Variants in MTUS2 observed in about 807,000 individuals in gnomAD.
MTUS2 encodes microtubule associated scaffold protein 2, also known as microtubule-associated tumor suppressor candidate 2.
A neutral mutation model predicts 114.1 loss-of-function variants in MTUS2; 40 were observed. The ratio of observed to expected loss-of-function variants is 0.35; its 90% CI spans 0.27 to 0.46. MTUS2 has a LOEUF of 0.46. MTUS2 is among the 20% of genes least tolerant of loss of function. MTUS2 has a pLI of 1.00. For synonymous variants in MTUS2, 688 were observed against 672.0 expected (o/e 1.02, Z -0.37); for missense variants, 1,679 against 1,705.4 (o/e 0.98, Z 0.27).
chr13:29,253,246 T>C (rs11616426), intron 5 of MTUS2, among the ~76,000 whole-genome samples: 6 of 151,912 alleles, frequency 3.9e-5, no homozygotes, highest in Non-Finnish European at 8.8e-5. Context: ...ACCAACATGG[T>C]GAAACCCTGT....
intron 8 of MTUS2, among the ~76,000 whole-genome samples, chr13:29,389,414 T>TGTGTGTATGTATGTATACAC (rs1872978088): frequency 8.7e-6 from 1 of 114,484 alleles, no homozygotes; most frequent in African/African-American, 3.5e-5. Context: ...TATACACGTG[T>TGTGTGTATGTATGTATACAC]GTGTGTATGT....
At chr13:29,222,130 TA>T (rs1895933192) in intron 5 of MTUS2, among the ~76,000 whole-genome samples, 1 of 152,202 alleles carries the variant, frequency 6.6e-6, no homozygotes, top group African/African-American at 2.4e-5. Context: ...TTTGATTTTT[TA>T]CAGAAATAAC....
intron 2 of MTUS2, among the ~76,000 whole-genome samples, chr13:28,963,319 C>G (rs1324382033): frequency 6.6e-6 from 1 of 152,092 alleles, no homozygotes; most frequent in Non-Finnish European, 1.5e-5. Flanking sequence ...CCACTGCACT[C>G]CAGCCTGAGC....
At chr13:29,162,271 A>ATATTC (rs1893130006) in intron 5 of MTUS2, among the ~76,000 whole-genome samples, 1 of 152,228 alleles carries the variant, frequency 6.6e-6, no homozygotes, top group Admixed American at 6.5e-5. Flanking sequence ...GGTCTGGGTG[A>ATATTC]ACGTGAATTT....
intron 2 of MTUS2, among the ~76,000 whole-genome samples, chr13:28,898,059 A>G (rs1879395086): frequency 6.6e-6 from 1 of 152,042 alleles, no homozygotes; most frequent in African/African-American, 2.4e-5. Flanking sequence ...AAAAAAAAGA[A>G]CAGGTTGAAG....
At chr13:29,242,568 G>A (rs1478117658) in intron 5 of MTUS2, 1 of 156,364 alleles carries the variant, frequency 6.4e-6, no homozygotes, top group East Asian at 1.7e-4. Context: ...TGAATTATCT[G>A]TTTGGATGGT....
At chr13:28,860,615 G>A (rs1018698056) in intron 2 of MTUS2, among the ~76,000 whole-genome samples, 2 of 152,180 alleles carry the variant, frequency 1.3e-5, no homozygotes, top group Non-Finnish European at 2.9e-5. Flanking sequence ...GGACATGCAC[G>A]AGGCTTATCC....
At chr13:29,037,695 A>C (rs1418190805) in intron 4 of MTUS2, among the ~76,000 whole-genome samples, 1 of 152,126 alleles carries the variant, frequency 6.6e-6, no homozygotes, top group East Asian at 1.9e-4. Context: ...TATTTCTTGG[A>C]GGCTTTGTTC....
intron 2 of MTUS2, among the ~76,000 whole-genome samples, chr13:28,992,151 C>T (rs927094624): frequency 6.6e-6 from 1 of 152,144 alleles, no homozygotes; most frequent in Non-Finnish European, 1.5e-5. Flanking sequence ...ACTTTTTTTC[C>T]CCTCCATGGG....
intron 2 of MTUS2, among the ~76,000 whole-genome samples, chr13:28,945,820 A>G (rs1882495891): frequency 1.3e-5 from 2 of 152,188 alleles, no homozygotes; most frequent in African/African-American, 4.8e-5. Flanking sequence ...GAAACTTTAT[A>G]GTGTGAGTCC....
chr13:29,182,835 TG>T (rs1481458050), intron 5 of MTUS2, among the ~76,000 whole-genome samples: 9 of 152,190 alleles, frequency 5.9e-5, no homozygotes, highest in Non-Finnish European at 8.8e-5. Flanking sequence ...AACAGATATC[TG>T]GGAACAACCA....
intron 8 of MTUS2, among the ~76,000 whole-genome samples, chr13:29,368,630 A>G (rs1284726727): frequency 1.4e-5 from 2 of 145,818 alleles, no homozygotes. Context: ...TGTATCCATA[A>G]AAAATAATTC....
intron 8 of MTUS2, among the ~76,000 whole-genome samples, chr13:29,382,107 AG>A (rs985435260): frequency 6.6e-6 from 1 of 152,196 alleles, no homozygotes; most frequent in African/African-American, 2.4e-5. Context: ...AGGCAGTATC[AG>A]GGACTGTGAT....
chr13:29,501,956 GCA>G (rs1157920490), intron 15 of MTUS2, among the ~76,000 whole-genome samples: 4 of 152,156 alleles, frequency 2.6e-5, no homozygotes, highest in Admixed American at 6.5e-5. Flanking sequence ...TGCCCTGTTT[GCA>G]CACTCACACG....
chr13:29,114,256 C>T (rs1256100949), intron 5 of MTUS2, among the ~76,000 whole-genome samples: 2 of 152,040 alleles, frequency 1.3e-5, no homozygotes, highest in African/African-American at 2.4e-5. Flanking sequence ...GAAGATCTCA[C>T]GTTTTCACTT....
intron 6 of MTUS2, among the ~76,000 whole-genome samples, chr13:29,319,083 A>G (rs1377908835): frequency 6.6e-6 from 1 of 152,286 alleles, no homozygotes; most frequent in Non-Finnish European, 1.5e-5. Flanking sequence ...CCGTATAGAT[A>G]AGGCACACGA....
rs1230639444 is a variant in MTUS2, at chr13:29,495,669, G to A, written c.3580-1569G>A. Among the ~76,000 whole-genome samples the A allele has an allele frequency of 2.0e-5, 3 of 152,002 alleles. No individual in the cohort carries two copies. The South Asian group carries it at 6.2e-4, about 32-fold the overall frequency. On this transcript the variant is annotated intron_variant, in intron 12 of 15. Transcript: ENST00000612955. The stretch of plus-strand genomic sequence containing the variant: ...GTGGATCACTTGAGGTCAGGAGTTC[G>A]AGACCAGCCTGGGCAACATGGCAAA...
At position 29,375,277 on chromosome 13, in the gene MTUS2, A is replaced by G. The variant is rs988677842; in HGVS notation, c.3117+15804A>G. On this transcript the variant is annotated intron_variant, in intron 8 of 15. Transcript: ENST00000612955. Reference sequence around the variant, plus strand: ...GCCTCAGGAACATAACAGACAATTTAAAAAGGAGTTTTTAATAGGAGTTCC... The same window carrying G: ...GCCTCAGGAACATAACAGACAATTTGAAAAGGAGTTTTTAATAGGAGTTCC... 2.8e-4 allele frequency among the ~76,000 whole-genome samples: 2 copies of G among 7,022 alleles called. 1 individual carries two copies. The highest frequency in any genetic ancestry group is 3.3e-4 in the African/African-American group (2 of 6,068). 4.6% of individuals were successfully genotyped at this position (7,022 alleles called of 152,430 possible). A position where few individuals can be genotyped will look rare whatever the true frequency, so the allele number is the denominator to read the frequency against.
intron 10 of MTUS2, among the ~76,000 whole-genome samples, chr13:29,481,802 A>G (rs559279692): frequency 1.3e-5 from 2 of 152,220 alleles, no homozygotes; most frequent in Non-Finnish European, 2.9e-5. Flanking sequence ...CTAGAGGCCT[A>G]TAAAAGCCAG....
Sources: gnomAD v4.1 joint callset for allele counts (sites outside exome capture counted in the v4.1 genomes callset) on GRCh38, gnomAD v4.1.1 for gene constraint, MANE v1.5 for transcripts, NCBI Gene and HGNC (gene_info 2026-07-23, HGNC 2026-07-21) for gene names.